FAM20A: variants seen among roughly 807,000 people sequenced by gnomAD.
FAM20A encodes pseudokinase FAM20A.
In FAM20A, 42 loss-of-function variants were observed where a neutral mutation model predicts 52.0. That is an observed-to-expected ratio of 0.81 (90% CI 0.63 to 1.04). The LOEUF is 1.04. FAM20A is among the 50% of genes least tolerant of loss of function. The pLI is 0.00. For missense variants in FAM20A, 742 were observed against 712.7 expected (o/e 1.04, Z -0.47); for synonymous variants, 304 against 298.9 (o/e 1.02, Z -0.18).
chr17:68,593,756 TG>T (rs1567752455), intron 1 of FAM20A, among the ~76,000 whole-genome samples: 1 of 152,254 alleles, frequency 6.6e-6, no homozygotes, highest in African/African-American at 2.4e-5. Flanking sequence ...CAGGGCAAGC[TG>T]GGGGCTTTTC....
chr17:68,591,544 G>T (rs1185435078), intron 1 of FAM20A, among the ~76,000 whole-genome samples: 2 of 152,176 alleles, frequency 1.3e-5, no homozygotes, highest in African/African-American at 4.8e-5. Flanking sequence ...ATGAATGTGG[G>T]GAATACTTAA....
intron 8 of FAM20A, 61 bp from the exon 9 acceptor site, chr17:68,540,027 C>T: frequency 6.9e-7 from 1 of 1,456,286 alleles, no homozygotes; most frequent in Non-Finnish European, 9.6e-7. Flanking sequence ...TGCTCCTGAC[C>T]TGAGTTCTCT....
At chr17:68,588,265 G>A (rs1001417154) in intron 1 of FAM20A, among the ~76,000 whole-genome samples, 7 of 152,260 alleles carry the variant, frequency 4.6e-5, no homozygotes, top group African/African-American at 1.2e-4. Context: ...CATCTGGGAG[G>A]CAGAGAGGCT....
rs191443147 is a variant in FAM20A, at chr17:68,537,705, C to A, written c.1398G>T (p.Leu466=). The change falls in exon 11 of 11, where the codon CTG becomes CTT. Residue 466 remains leucine, a synonymous_variant. Transcript: ENST00000592554. This position sits in a 1 kb window ranked among gnomAD's most constrained non-coding sequence, Gnocchi z 4.2. Reference sequence around the variant, plus strand: ...CGCTGAGTCTGTAGTCAGCTTGGGCCAGCAGCTGCAGGTGCAAAAGTGTTT... The same window carrying A: ...CGCTGAGTCTGTAGTCAGCTTGGGCAAGCAGCTGCAGGTGCAAAAGTGTTT... The part of the protein sequence containing the change: ...KKKTLLHLQL[L]AQADYRLSDV... The A allele has an allele frequency of 6.8e-5, 110 of 1,613,508 alleles. No individual in the cohort carries two copies. In the East Asian group the frequency reaches 1.9e-3, roughly 28 times the overall value.
rs535761735 is a variant in FAM20A at position 68,600,412 on chromosome 17, G to T, written c.255C>A (p.His85Gln). ...CCTGCAACTTGGAGCTCGACCCGCTGTGGCTGCCGCCAGCCGGTTCAGTCC... is the reference window on the plus strand; with the variant it reads ...CCTGCAACTTGGAGCTCGACCCGCTTTGGCTGCCGCCAGCCGGTTCAGTCC... ...EPRTEPAGGS[H>Q]SGSSSKLQAL... Residue 85 changes from histidine to glutamine, a missense_variant, in exon 1 of 11, where the codon CAC becomes CAA. By Grantham distance (24) the His-to-Gln change is conservative. Transcript: ENST00000592554. This position sits in a 1 kb window ranked among gnomAD's most constrained non-coding sequence, Gnocchi z 6.2. The T allele has an allele frequency of 2.3e-5, 37 of 1,609,408 alleles. No homozygotes were observed. Among genetic ancestry groups the T allele is most frequent in the Non-Finnish European group, 3.1e-5 (36 of 1,178,742 alleles).
chr17:68,539,815 C>G, intron 9 of FAM20A, 70 bp downstream of exon 9: 2 of 1,497,602 alleles, frequency 1.3e-6, no homozygotes, highest in Non-Finnish European at 1.9e-6. Flanking sequence ...TCTGTTTCCC[C>G]CGAGCAGCTG....
chr17:68,544,040 C>G (rs2086434682), intron 4 of FAM20A, among the ~76,000 whole-genome samples: 1 of 152,106 alleles, frequency 6.6e-6, no homozygotes, highest in Non-Finnish European at 1.5e-5. Flanking sequence ...AATAGACATT[C>G]TTCTGCAGGT....
At position 68,542,045 on chromosome 17, in the gene FAM20A, G is replaced by T; in HGVS notation, c.1049C>A (p.Ala350Asp). 1 of 1,614,144 alleles carries T rather than the reference G, an allele frequency of 6.2e-7. No individual in the cohort carries two copies. Among genetic ancestry groups the T allele is most frequent in the Admixed American group, 1.7e-5 (1 of 60,024 alleles). Residue 350 changes from alanine to aspartate, a missense_variant, in exon 7 of 11, where the codon GCC becomes GAC. Transcript: ENST00000592554. ...GGGGTTGGGCACAGACAGCCTGGGG[G>T]CCAGGTTGAGGGACGGCAGGAAGGC... ...LSAFLPSLNL[A>D]PRLSVPNPWI...
intron 1 of FAM20A, among the ~76,000 whole-genome samples, chr17:68,578,838 C>CAAAAAAAAA (rs5821664): frequency 2.8e-5 from 1 of 36,058 alleles, no homozygotes; most frequent in Non-Finnish European, 4.6e-5. Flanking sequence ...CTAAAAATAC[C>CAAAAAAAAA]AAAAAAAAAA....
At chr17:68,545,202 CTG>C (rs2086492132) in intron 4 of FAM20A, among the ~76,000 whole-genome samples, 1 of 152,254 alleles carries the variant, frequency 6.6e-6, no homozygotes, top group African/African-American at 2.4e-5. Context: ...GTAGATTACA[CTG>C]TGTTATGGTA....
intron 10 of FAM20A, among the ~76,000 whole-genome samples, chr17:68,538,002 A>G (rs1042324404): frequency 6.6e-6 from 1 of 152,200 alleles, no homozygotes; most frequent in South Asian, 2.1e-4. Flanking sequence ...ATGCTGGGCT[A>G]TATGCATTTT....
intron 1 of FAM20A, among the ~76,000 whole-genome samples, chr17:68,567,856 A>G (rs2087423421): frequency 6.6e-6 from 1 of 151,890 alleles, no homozygotes; most frequent in Admixed American, 6.5e-5. Flanking sequence ...TGATGGTTTT[A>G]GTGTGGCACT....
At chr17:68,542,608 G>T in intron 6 of FAM20A, 86 bp downstream of exon 6, 1 of 991,808 alleles carries the variant, frequency 1.0e-6, no homozygotes, top group Non-Finnish European at 1.6e-6. Flanking sequence ...TAGCAGCAGG[G>T]TGTCAGGCCA....
At chr17:68,574,303 G>A (rs1162282257) in intron 1 of FAM20A, among the ~76,000 whole-genome samples, 3 of 152,130 alleles carry the variant, frequency 2.0e-5, no homozygotes, top group Non-Finnish European at 2.9e-5. Flanking sequence ...AGGCCTAAGC[G>A]ATCCTCTGCA....
At chr17:68,553,694 A>G (rs576689453) in intron 3 of FAM20A, among the ~76,000 whole-genome samples, 1 of 152,084 alleles carries the variant, frequency 6.6e-6, no homozygotes, top group Non-Finnish European at 1.5e-5. Flanking sequence ...GGTGGAGGCT[A>G]GGCAGGAGCA....
rs889468694 is a variant in FAM20A at position 68,539,364 on chromosome 17, A to G, written c.1334T>C (p.Ile445Thr). Residue 445 changes from isoleucine to threonine, a missense_variant, in exon 10 of 11, where the codon ATC (isoleucine) becomes ACC (threonine). Physicochemically the swap from Ile to Thr is moderately conservative, Grantham distance 89 (BLOSUM62 -1). Coordinates refer to ENST00000592554, the MANE Select transcript of FAM20A (RefSeq NM_017565.4). ...FGRHSHDEIS[I>T]LSPLSQCCMI... ...GCAGCACTGGGAGAGAGGCGAGAGG[A>G]TGGAGATTTCATCATGGGAGTGTCG... The G allele has an allele frequency of 1.9e-6, 3 of 1,614,060 alleles. No individual in the cohort carries two copies. The African/African-American group carries it at 4.0e-5, about 22-fold the overall frequency.
intron 6 of FAM20A, 141 bp from the exon 7 acceptor site, chr17:68,542,306 G>T: frequency 1.0e-6 from 1 of 962,686 alleles, no homozygotes; most frequent in South Asian, 1.6e-5. Flanking sequence ...AGGAAACATT[G>T]ACTTTTCCAG....
chr17:68,553,657 G>A (rs12944049), intron 3 of FAM20A, among the ~76,000 whole-genome samples: 24,022 of 151,838 alleles, frequency 0.16, 1,951 homozygotes, highest in South Asian at 0.18. Flanking sequence ...GGGCCTCACC[G>A]TCTGAACTTG....
At chr17:68,565,406 TTTTTTG>T (rs1354934851) in intron 1 of FAM20A, among the ~76,000 whole-genome samples, 1 of 133,902 alleles carries the variant, frequency 7.5e-6, no homozygotes, top group African/African-American at 3.2e-5. Flanking sequence ...TTTTTTTTTT[TTTTTTG>T]AGATGGAGTC....
Sources: allele counts gnomAD v4.1 joint callset (sites outside exome capture counted in the v4.1 genomes callset), GRCh38; gene constraint gnomAD v4.1.1; non-coding constraint Gnocchi (gnomAD v3.1); transcripts MANE v1.5; gene names NCBI Gene and HGNC (gene_info 2026-07-23, HGNC 2026-07-21).